The following ANPEP variants were observed in gnomAD, a reference collection of about 807,000 sequenced individuals.
ANPEP encodes alanyl aminopeptidase, membrane, also known as aminopeptidase N.
ANPEP carries 70 observed loss-of-function variants against 114.6 expected under a neutral mutation model. The ratio of observed to expected loss-of-function variants is 0.61; its 90% CI spans 0.50 to 0.75. The LOEUF is 0.75. Ranked by LOEUF, ANPEP falls within the 30% of genes least tolerant of loss-of-function variation. The probability of loss-of-function intolerance (pLI) is 0.00; values close to 1 mark genes in which losing one functional copy is unlikely to be tolerated. For synonymous variants in ANPEP, 548 were observed against 522.3 expected (o/e 1.05, Z -0.67); for missense variants, 1,184 against 1,259.5 (o/e 0.94, Z 0.91).
chr15:89,805,231 AT>A lies in ANPEP; in HGVS notation c.758-15del, dbSNP rs762007439. The stretch of plus-strand genomic sequence containing the variant: ...GGGTGCTGGGACCTGGGCAGGGAGC[AT>A]GTGTGTGTGAGGACGTACCCTCCTG... On this transcript the variant is annotated splice_polypyrimidine_tract_variant and intron_variant, in intron 3 of 20. Coordinates refer to ENST00000300060, the MANE Select transcript of ANPEP (RefSeq NM_001150.3). The A allele has an allele frequency of 6.2e-7, 1 of 1,614,154 alleles. No homozygotes were observed. Among genetic ancestry groups the A allele is most frequent in the Non-Finnish European group, 8.5e-7 (1 of 1,180,012 alleles).
At chr15:89,791,429 C>T (rs1328177891) in intron 18 of ANPEP, among the ~76,000 whole-genome samples, 3 of 151,636 alleles carry the variant, frequency 2.0e-5, no homozygotes, top group Admixed American at 2.0e-4. Context: ...CTTTTCTTTT[C>T]TTTTCTTTTC....
At position 89,790,521 on chromosome 15, in the gene ANPEP, G is replaced by A. The variant is rs1443216557; in HGVS notation, c.2690C>T (p.Ser897Phe). ...CACTGCCTGGATGAGGTTGGAGAAG[G>A]AGAACGAGCCACCACCATAACTGCA... ...LFNDYGGGSF[S>F]FSNLIQAVTR... The change falls in exon 20 of 21, where the codon TCC (serine) becomes TTC (phenylalanine). Residue 897 changes from serine to phenylalanine, a missense_variant. Coordinates refer to ENST00000300060, the MANE Select transcript of ANPEP (RefSeq NM_001150.3). The A allele has an allele frequency of 6.2e-7, 1 of 1,613,930 alleles. No individual in the cohort carries two copies. Among genetic ancestry groups the A allele is most frequent in the Non-Finnish European group, 8.5e-7 (1 of 1,179,970 alleles).
chr15:89,806,678 A>T lies in ANPEP; in HGVS notation c.-95T>A. 6.9e-7 allele frequency: 1 copy of T among 1,450,106 alleles called. No individual in the cohort carries two copies. Among genetic ancestry groups the T allele is most frequent in the East Asian group, 2.5e-5 (1 of 40,146 alleles). 89.8% of individuals were successfully genotyped at this position (1,450,106 alleles called of 1,614,324 possible). ...TATATCCCCAAAGGGGAGGAGCCCC[A>T]CAACAGGCAGACTGGGCAAAAATTA... On this transcript the variant is annotated 5_prime_UTR_variant, in exon 2 of 21. Transcript: ENST00000300060. This position sits in a 1 kb window ranked among gnomAD's most constrained non-coding sequence, Gnocchi z 5.7.
Position 89,785,598 on chromosome 15 carries a change from G to A in ANPEP, c.2752-97C>T, listed in dbSNP as rs1013664119. 3.6e-5 allele frequency: 55 copies of A among 1,541,298 alleles called. No homozygotes were observed. The African/African-American group carries it at 6.1e-4, about 17-fold the overall frequency. On this transcript the variant is annotated intron_variant, in intron 20 of 20. Transcript: ENST00000300060. ...TCTGGCTTTCCACTCCCACTTTAGAGTCCCCATGGATGGGACCACACCCTG... is the reference window on the plus strand; with the variant it reads ...TCTGGCTTTCCACTCCCACTTTAGAATCCCCATGGATGGGACCACACCCTG...
intron 4 of ANPEP, 53 bp downstream of exon 4, chr15:89,805,025 C>A (rs1323764850): frequency 1.2e-6 from 2 of 1,610,384 alleles, no homozygotes; most frequent in South Asian, 1.1e-5. Context: ...AACGGGAAGA[C>A]CCCTCAAGCC....
At chr15:89,794,386 A>C (rs1034414651) in intron 15 of ANPEP, among the ~76,000 whole-genome samples, 2 of 152,192 alleles carry the variant, frequency 1.3e-5, no homozygotes, top group Non-Finnish European at 2.9e-5. Flanking sequence ...CAGGAGGCTG[A>C]GGCAGGAGAA....
Position 89,801,453 on chromosome 15 carries a change from G to C in ANPEP, c.1724C>G (p.Thr575Ser). 6.2e-7 allele frequency: 1 copy of C among 1,614,164 alleles called. No individual in the cohort carries two copies. Among genetic ancestry groups the C allele is most frequent in the Middle Eastern group, 1.6e-4 (1 of 6,062 alleles). ...TGCTCACTTGAATTCTGAGGGGCGG[G>C]TAACATTGGAATCGGGGTCAAGGAG... is the stretch of plus-strand genomic sequence containing the variant. ...HFLLDPDSNV[T>S]RPSEFNYVWI... The change falls in exon 11 of 21, where the codon ACC becomes AGC. Residue 575 changes from threonine to serine, a missense_variant. Coordinates refer to ENST00000300060, the MANE Select transcript of ANPEP (RefSeq NM_001150.3).
At chr15:89,814,001 G>C (rs955077713) in intron 1 of ANPEP, among the ~76,000 whole-genome samples, 8 of 151,494 alleles carry the variant, frequency 5.3e-5, no homozygotes, top group East Asian at 1.9e-4. Context: ...TGGGGGGGGG[G>C]GGTGCGTTCT....
At chr15:89,808,415 G>T (rs1385844051) in intron 1 of ANPEP, among the ~76,000 whole-genome samples, 1 of 152,234 alleles carries the variant, frequency 6.6e-6, no homozygotes, top group Admixed American at 6.5e-5. Flanking sequence ...TTGAGTCCTG[G>T]ACTGCAGGCC....
chr15:89,799,597 A>G lies in ANPEP; in HGVS notation c.1820-38T>C, dbSNP rs2141802111. The G allele has an allele frequency of 6.2e-7, 1 of 1,613,772 alleles. No homozygotes were observed. The highest frequency in any genetic ancestry group is 1.3e-5 in the African/African-American group (1 of 75,038). ...ACGAGACCTGGGCAGGGCTGCTCAG[A>G]GGCCATGGGCTGACCCCTGGACCTC... On this transcript the variant is annotated intron_variant, in intron 12 of 20. Transcript: ENST00000300060. The surrounding 1 kb of genome is among the most constrained non-coding windows in gnomAD (Gnocchi z 4.2).
chr15:89,794,153 A>T lies in ANPEP; in HGVS notation c.2158-1027T>A, dbSNP rs74034324. On this transcript the variant is annotated intron_variant, in intron 15 of 20. Transcript: ENST00000300060. ...CAATTGAGAATCTGCAGAAGGGGAG[A>T]CAGAAGCAAGGGAACTTGCTGTGAC... Among the ~76,000 whole-genome samples, 755 of 152,292 alleles carry T rather than the reference A, an allele frequency of 5.0e-3. 8 individuals are homozygous for T. Among genetic ancestry groups the T allele is most frequent in the African/African-American group, 0.016 (646 of 41,576 alleles).
intron 1 of ANPEP, among the ~76,000 whole-genome samples, chr15:89,814,299 G>C (rs1170841120): frequency 6.6e-6 from 1 of 152,224 alleles, no homozygotes; most frequent in Non-Finnish European, 1.5e-5. Flanking sequence ...CGAGATCTAA[G>C]GTTAAAGAAA....
intron 1 of ANPEP, among the ~76,000 whole-genome samples, chr15:89,811,040 C>G (rs1041854531): frequency 1.3e-5 from 2 of 152,180 alleles, no homozygotes; most frequent in South Asian, 4.2e-4. Context: ...CCAGGTGTGC[C>G]GTATCCTCTA....
intron 6 of ANPEP, 101 bp from the exon 7 acceptor site, chr15:89,804,103 G>A (rs1484440161): frequency 3.9e-6 from 6 of 1,544,906 alleles, no homozygotes; most frequent in African/African-American, 1.4e-5. Flanking sequence ...AGGCACAGTG[G>A]GGATTTCAAC....
intron 15 of ANPEP, among the ~76,000 whole-genome samples, chr15:89,795,091 GAAAA>G (rs57368902): frequency 7.7e-6 from 1 of 130,342 alleles, no homozygotes; most frequent in Non-Finnish European, 1.6e-5. Flanking sequence ...CGAGTCAATG[GAAAA>G]AAAAAAAAAA....
At chr15:89,795,561 A>G (rs1968712314) in intron 15 of ANPEP, among the ~76,000 whole-genome samples, 1 of 152,210 alleles carries the variant, frequency 6.6e-6, no homozygotes, top group African/African-American at 2.4e-5. Context: ...CATTCAAATA[A>G]CTGGAAATAA....
intron 18 of ANPEP, among the ~76,000 whole-genome samples, chr15:89,791,819 C>A (rs2141791181): frequency 1.3e-5 from 2 of 152,012 alleles, no homozygotes; most frequent in African/African-American, 4.8e-5. Context: ...AGGTGGGGAC[C>A]CTCATCCAAG....
Position 89,806,140 on chromosome 15 carries a change from G to A in ANPEP, c.444C>T (p.Pro148=), listed in dbSNP as rs201282264. Residue 148 remains proline, a synonymous_variant, in exon 2 of 21, where the codon CCC becomes CCT. Transcript: ENST00000300060. The surrounding 1 kb of genome is among the most constrained non-coding windows in gnomAD (Gnocchi z 5.7). ...VLRGVGGSQP[P]DIDKTELVEP... Reference sequence around the variant, plus strand: ...CCACCAGCTCAGTCTTGTCAATGTCGGGGGGCTGGGAGCCTCCCACACCAC... The same window carrying A: ...CCACCAGCTCAGTCTTGTCAATGTCAGGGGGCTGGGAGCCTCCCACACCAC... The A allele has an allele frequency of 1.5e-5, 24 of 1,613,936 alleles. No homozygotes were observed. In the East Asian group the frequency reaches 2.9e-4, roughly 19 times the overall value.
rs918509519 is a variant in ANPEP at position 89,799,083 on chromosome 15, T to C, written c.2009+177A>G. Among the ~76,000 whole-genome samples, 10 of 152,198 alleles carry C rather than the reference T, an allele frequency of 6.6e-5. No individual in the cohort carries two copies. Among genetic ancestry groups the C allele is most frequent in the African/African-American group, 2.4e-4 (10 of 41,450 alleles). ...GACTTCGGGCAAGGTGTCACATTCT[T>C]CATCTGTGAAATGGGTGTGTGGGGA... is the stretch of plus-strand genomic sequence containing the variant. On this transcript the variant is annotated intron_variant, in intron 14 of 20. Transcript: ENST00000300060. This position sits in a 1 kb window ranked among gnomAD's most constrained non-coding sequence, Gnocchi z 4.2.
Sources: gnomAD v4.1 joint callset for allele counts (sites outside exome capture counted in the v4.1 genomes callset) on GRCh38, gnomAD v4.1.1 for gene constraint, Gnocchi (gnomAD v3.1) non-coding constraint, MANE v1.5 for transcripts, NCBI Gene and HGNC (gene_info 2026-07-23, HGNC 2026-07-21) for gene names.